The following SLIT2 variants were observed in gnomAD, a reference collection of about 807,000 sequenced individuals.
SLIT2 encodes slit homolog 2 protein.
A neutral mutation model predicts 185.7 loss-of-function variants in SLIT2; 41 were observed. That is an observed-to-expected ratio of 0.22 (90% CI 0.17 to 0.29). The LOEUF (loss-of-function observed/expected upper bound fraction) is 0.29, where lower values mean the gene tolerates loss of function less well. SLIT2 is among the 10% of genes least tolerant of loss of function. SLIT2 has a pLI of 1.00. For missense variants in SLIT2, 1,571 were observed against 1,909.0 expected (o/e 0.82, Z 3.30); for synonymous variants, 693 against 680.2 (o/e 1.02, Z -0.29).
At chr4:20,568,480 C>A (rs1725289471) in intron 28 of SLIT2, among the ~76,000 whole-genome samples, 1 of 151,738 alleles carries the variant, frequency 6.6e-6, no homozygotes, top group Non-Finnish European at 1.5e-5. Flanking sequence ...AGATCAGAAC[C>A]AGTTCCTCTT....
In SLIT2 at chr4:20,549,053, T is replaced by C. The variant is rs1723505748; in HGVS notation, c.2418-4T>C. ...AAAACAAATTGACATATGTATGCTT[T>C]CAGAATTCTTAGTTACAACCGTCTG... On this transcript the variant is annotated splice_polypyrimidine_tract_variant and splice_region_variant and intron_variant, in intron 23 of 36. Coordinates refer to ENST00000504154, the MANE Select transcript of SLIT2 (RefSeq NM_004787.4). The C allele has an allele frequency of 2.5e-6, 4 of 1,573,564 alleles. No individual in the cohort carries two copies. Among genetic ancestry groups the C allele is most frequent in the Non-Finnish European group, 3.5e-6 (4 of 1,144,110 alleles).
intron 4 of SLIT2, among the ~76,000 whole-genome samples, chr4:20,463,215 A>G (rs979665363): frequency 6.6e-6 from 1 of 151,640 alleles, no homozygotes; most frequent in Non-Finnish European, 1.5e-5. Flanking sequence ...CCCTCCTTCA[A>G]TTCCTGCCAC....
chr4:20,504,754 G>T (rs7671290), intron 9 of SLIT2, among the ~76,000 whole-genome samples: 3 of 151,976 alleles, frequency 2.0e-5, no homozygotes, highest in Admixed American at 2.0e-4. Context: ...TGTGGGTGAC[G>T]TTGCAATAGT....
chr4:20,581,127 G>A (rs1726528326), intron 29 of SLIT2, among the ~76,000 whole-genome samples: 1 of 152,092 alleles, frequency 6.6e-6, no homozygotes, highest in South Asian at 2.1e-4. Context: ...TACAGTTCTG[G>A]AGGCTAGAGG....
chr4:20,606,011 AG>A (rs1278758997), intron 33 of SLIT2, among the ~76,000 whole-genome samples: 1 of 152,112 alleles, frequency 6.6e-6, no homozygotes, highest in Admixed American at 6.6e-5. Context: ...GGCCTCCCAA[AG>A]TGCTAGGATT....
At chr4:20,384,928 A>G (rs1044749746) in intron 4 of SLIT2, among the ~76,000 whole-genome samples, 2 of 152,204 alleles carry the variant, frequency 1.3e-5, no homozygotes, top group Non-Finnish European at 2.9e-5. Flanking sequence ...TCATGGGTGC[A>G]AGATAGATGG....
At chr4:20,398,588 G>A (rs1195382415) in intron 4 of SLIT2, among the ~76,000 whole-genome samples, 1 of 151,556 alleles carries the variant, frequency 6.6e-6, no homozygotes, top group East Asian at 1.9e-4. Context: ...GTTTCTTCTT[G>A]GCACTTTCCT....
chr4:20,527,781 T>C (rs554095817), intron 15 of SLIT2, among the ~76,000 whole-genome samples: 1 of 152,342 alleles, frequency 6.6e-6, no homozygotes, highest in South Asian at 2.1e-4. Context: ...CTTAGTTTTA[T>C]AAATATGTAT....
rs541549939 is a variant in SLIT2, at chr4:20,620,207, C to A, written c.*1198C>A. 11 of 319,410 alleles carry A rather than the reference C, an allele frequency of 3.4e-5. No individual in the cohort carries two copies. Among genetic ancestry groups the A allele is most frequent in the Non-Finnish European group, 6.0e-5 (10 of 165,974 alleles). The allele number at this position is 319,410 out of a possible 1,614,324, so 19.8% of individuals were successfully genotyped here. A position where few individuals can be genotyped will look rare whatever the true frequency, so the allele number is the denominator to read the frequency against. On this transcript the variant is annotated 3_prime_UTR_variant, in exon 37 of 37. Transcript: ENST00000504154. ...CTTTTGCAAATTAATATGTCCTTGACCTTTTTTGCCCTTTTGTGGGGGTGA... is the reference window on the plus strand; with the variant it reads ...CTTTTGCAAATTAATATGTCCTTGAACTTTTTTGCCCTTTTGTGGGGGTGA...
At chr4:20,472,386 G>GAGATATAGCTATCTATATATCTATATATA (rs1560453735) in intron 5 of SLIT2, among the ~76,000 whole-genome samples, 1 of 38,394 alleles carries the variant, frequency 2.6e-5, no homozygotes, top group Admixed American at 6.1e-4. Context: ...CTATATATAT[G>GAGATATAGCTATCTATATATCTATATATA]TAGATATATA....
chr4:20,479,316 T>A (rs1010891809), intron 5 of SLIT2, among the ~76,000 whole-genome samples: 1 of 152,218 alleles, frequency 6.6e-6, no homozygotes, highest in African/African-American at 2.4e-5. Flanking sequence ...TGCACCTTTA[T>A]TCAGTAGTCT....
intron 4 of SLIT2, among the ~76,000 whole-genome samples, chr4:20,430,830 C>A (rs1728915922): frequency 6.6e-6 from 1 of 152,160 alleles, no homozygotes; most frequent in South Asian, 2.1e-4. Context: ...CCATGTGTAT[C>A]CCAGGAGTGA....
chr4:20,415,759 G>C (rs984432531), intron 4 of SLIT2, among the ~76,000 whole-genome samples: 3 of 152,168 alleles, frequency 2.0e-5, no homozygotes, highest in Non-Finnish European at 4.4e-5. Context: ...TTGAACCTTA[G>C]TAGTTCATAT....
chr4:20,417,809 A>G (rs1432576851), intron 4 of SLIT2, among the ~76,000 whole-genome samples: 2 of 151,872 alleles, frequency 1.3e-5, no homozygotes, highest in African/African-American at 4.8e-5. Flanking sequence ...GCTTCCCACA[A>G]TCTTAACCAG....
At chr4:20,412,430 A>G (rs975305061) in intron 4 of SLIT2, among the ~76,000 whole-genome samples, 4 of 152,178 alleles carry the variant, frequency 2.6e-5, no homozygotes, top group Non-Finnish European at 2.9e-5. Flanking sequence ...AATTTACTGC[A>G]TATTTTATTT....
At chr4:20,509,420 G>A (rs866918922) in intron 9 of SLIT2, among the ~76,000 whole-genome samples, 34 of 152,116 alleles carry the variant, frequency 2.2e-4, no homozygotes, top group African/African-American at 2.9e-4. Context: ...AGTAAAATTA[G>A]GAAGGAGATG....
chr4:20,455,430 A>C (rs1712956290), intron 4 of SLIT2, among the ~76,000 whole-genome samples: 1 of 152,160 alleles, frequency 6.6e-6, no homozygotes, highest in African/African-American at 2.4e-5. Context: ...TACACTAAGA[A>C]ATATTAGACC....
At chr4:20,467,702 C>T in intron 4 of SLIT2, 50 bp from the exon 5 acceptor site, 1 of 1,121,842 alleles carries the variant, frequency 8.9e-7, no homozygotes, top group African/African-American at 1.6e-5. Context: ...TTAAAATAAT[C>T]TTTAAATAAT....
At chr4:20,421,371 A>G (rs1033189399) in intron 4 of SLIT2, among the ~76,000 whole-genome samples, 9 of 152,030 alleles carry the variant, frequency 5.9e-5, no homozygotes, top group Non-Finnish European at 1.0e-4. Context: ...TAAACTTTTC[A>G]TTTCTTGCCT....
Sources: gnomAD v4.1 joint callset for allele counts (sites outside exome capture counted in the v4.1 genomes callset) on GRCh38, gnomAD v4.1.1 for gene constraint, MANE v1.5 for transcripts, NCBI Gene and HGNC (gene_info 2026-07-23, HGNC 2026-07-21) for gene names.